Variants in MRTFB observed in about 807,000 individuals in gnomAD.
MRTFB encodes myocardin-related transcription factor B.
In MRTFB, 29 loss-of-function variants were observed where a neutral mutation model predicts 104.2. The ratio of observed to expected loss-of-function variants is 0.28; its 90% CI spans 0.21 to 0.38. The LOEUF is 0.38. Ranked by LOEUF, MRTFB falls within the 10% of genes least tolerant of loss-of-function variation. MRTFB has a pLI of 1.00. For synonymous variants in MRTFB, 535 were observed against 519.5 expected, an observed-to-expected ratio of 1.03 and a Z score of -0.41; for missense variants, 1,270 against 1,341.6, an observed-to-expected ratio of 0.95 and a Z score of 0.83.
the MRTFB span, among the ~76,000 whole-genome samples, chr16:14,055,091 T>C: frequency 0.17 from 26,412 of 151,982 alleles, 3,362 homozygotes; most frequent in East Asian, 0.37. Flanking sequence ...GTGGCTCATG[T>C]CTATAATCCC....
At chr16:14,185,359 G>A (rs2039916395) in intron 3 of MRTFB, among the ~76,000 whole-genome samples, 1 of 152,150 alleles carries the variant, frequency 6.6e-6, no homozygotes, top group South Asian at 2.1e-4. Context: ...TTTAAGTGGT[G>A]GAAAGAATAT....
chr16:14,110,960 G>A lies in MRTFB; in HGVS notation c.-63-29584G>A, dbSNP rs2142159751. 1.3e-5 allele frequency among the ~76,000 whole-genome samples: 2 copies of A among 152,132 alleles called. 1 individual carries two copies. Among genetic ancestry groups the A allele is most frequent in the South Asian group, 4.1e-4 (2 of 4,820 alleles). Reference sequence around the variant, plus strand: ...TGCTCAGAAATCATCAACCTGCTCTGTGGTTTTTAAGATCCTCTGTAATCT... The same window carrying A: ...TGCTCAGAAATCATCAACCTGCTCTATGGTTTTTAAGATCCTCTGTAATCT... On this transcript the variant is annotated intron_variant, in intron 2 of 16. Coordinates refer to ENST00000571589, the MANE Select transcript of MRTFB (RefSeq NM_001308142.2).
intron 1 of MRTFB, among the ~76,000 whole-genome samples, chr16:14,077,446 T>C (rs1294023251): frequency 6.6e-6 from 1 of 152,160 alleles, no homozygotes; most frequent in Non-Finnish European, 1.5e-5. Flanking sequence ...GTCTTTCTAT[T>C]CATATAGCAG....
chr16:14,017,107 A>AGT, the MRTFB span, among the ~76,000 whole-genome samples: 1 of 131,664 alleles, frequency 7.6e-6, no homozygotes, highest in Non-Finnish European at 1.5e-5. Flanking sequence ...CCCAGGCTGG[A>AGT]GTGCAGTGGA....
intron 3 of MRTFB, among the ~76,000 whole-genome samples, chr16:14,145,843 G>A (rs767137408): frequency 4.6e-5 from 7 of 152,222 alleles, no homozygotes; most frequent in African/African-American, 9.6e-5. Context: ...GGAATAGGAC[G>A]TTAGTGTTTA....
At chr16:14,103,547 G>A (rs188939377) in intron 2 of MRTFB, among the ~76,000 whole-genome samples, 1 of 152,238 alleles carries the variant, frequency 6.6e-6, no homozygotes, top group African/African-American at 2.4e-5. Flanking sequence ...ATGGGACCCT[G>A]GAATACACCC....
chr16:14,241,819 C>T (rs578027502), intron 10 of MRTFB, among the ~76,000 whole-genome samples: 65 of 152,018 alleles, frequency 4.3e-4, no homozygotes, highest in African/African-American at 1.4e-3. Flanking sequence ...CAGGCAGGCC[C>T]GAGTGAGCTA....
Position 14,093,912 on chromosome 16 carries a change from A to C in MRTFB, c.-64+14558A>C, listed in dbSNP as rs184832367. On this transcript the variant is annotated intron_variant, in intron 2 of 16. Coordinates refer to ENST00000571589, the MANE Select transcript of MRTFB (RefSeq NM_001308142.2). ...GCACCCCTTATCAGCTCCTGGAAAAAAGAATTAAAAATGTATCTAACATAA... is the reference window on the plus strand; with the variant it reads ...GCACCCCTTATCAGCTCCTGGAAAACAGAATTAAAAATGTATCTAACATAA... Among the ~76,000 whole-genome samples, 5 of 152,344 alleles carry C rather than the reference A, an allele frequency of 3.3e-5. No homozygotes were observed. The East Asian group carries it at 9.6e-4, about 29-fold the overall frequency.
At chr16:14,243,299 A>G (rs2151382036) in intron 10 of MRTFB, among the ~76,000 whole-genome samples, 1 of 152,342 alleles carries the variant, frequency 6.6e-6, no homozygotes, top group East Asian at 1.9e-4. Context: ...GAATGTCAAG[A>G]GTTAGCTAGT....
chr16:14,007,065 T>C, the MRTFB span, among the ~76,000 whole-genome samples: 1 of 152,168 alleles, frequency 6.6e-6, no homozygotes, highest in African/African-American at 2.4e-5. Context: ...TGAGATGTAA[T>C]TCGTACACCG....
intron 3 of MRTFB, chr16:14,200,444 A>G: frequency 6.2e-7 from 1 of 1,610,000 alleles, no homozygotes; most frequent in African/African-American, 1.3e-5. Flanking sequence ...AAGAAAAGTC[A>G]AAATCAGACA....
intron 2 of MRTFB, among the ~76,000 whole-genome samples, chr16:14,117,798 A>G (rs1000336437): frequency 2.0e-5 from 3 of 152,032 alleles, no homozygotes; most frequent in Non-Finnish European, 2.9e-5. Context: ...CTTTATAGGG[A>G]AAAAAAAGTT....
chr16:13,998,769 A>C, the MRTFB span, among the ~76,000 whole-genome samples: 1 of 148,474 alleles, frequency 6.7e-6, no homozygotes, highest in Non-Finnish European at 1.5e-5. Context: ...AATGATAATA[A>C]ATTAATATTG....
chr16:14,176,112 T>C (rs2039575149), intron 3 of MRTFB, among the ~76,000 whole-genome samples: 1 of 152,208 alleles, frequency 6.6e-6, no homozygotes, highest in Non-Finnish European at 1.5e-5. Context: ...GCAAAATTGA[T>C]TTTGAGGTGT....
chr16:14,171,727 A>G (rs1450405510), intron 3 of MRTFB, among the ~76,000 whole-genome samples: 1 of 152,252 alleles, frequency 6.6e-6, no homozygotes, highest in Non-Finnish European at 1.5e-5. Flanking sequence ...GAATACACAT[A>G]AAGTAGTTTT....
chr16:14,086,962 G>T (rs968419320), intron 2 of MRTFB, among the ~76,000 whole-genome samples: 2 of 152,146 alleles, frequency 1.3e-5, no homozygotes, highest in African/African-American at 4.8e-5. Flanking sequence ...TTAAAGTTTA[G>T]ACTGGCAGGG....
chr16:14,118,963 A>C (rs1301423518), intron 2 of MRTFB, among the ~76,000 whole-genome samples: 1 of 152,114 alleles, frequency 6.6e-6, no homozygotes, highest in African/African-American at 2.4e-5. Context: ...TTAGGACTAC[A>C]CTACAGTTTA....
intron 2 of MRTFB, among the ~76,000 whole-genome samples, chr16:14,127,919 ATATATATATATTTTTTTTTTTTT>A (rs1162554835): frequency 2.8e-4 from 11 of 39,322 alleles, no homozygotes; most frequent in African/African-American, 2.1e-3. Context: ...ATATATATAT[ATATATATATATTTTTTTTTTTTT>A]TTTTTTTTTC....
At chr16:14,257,696 C>T (rs1048382136) in intron 15 of MRTFB, among the ~76,000 whole-genome samples, 12 of 151,778 alleles carry the variant, frequency 7.9e-5, no homozygotes, top group Non-Finnish European at 1.5e-4. Context: ...AAATTGTATA[C>T]TTTACATAAG....
Sources: gnomAD v4.1 joint callset for allele counts (sites outside exome capture counted in the v4.1 genomes callset) on GRCh38, gnomAD v4.1.1 for gene constraint, MANE v1.5 for transcripts, NCBI Gene and HGNC (gene_info 2026-07-23, HGNC 2026-07-21) for gene names.